The following RERE variants were observed in gnomAD, a reference collection of about 807,000 sequenced individuals.
RERE encodes arginine-glutamic acid dipeptide repeats protein.
A neutral mutation model predicts 146.1 loss-of-function variants in RERE; 40 were observed. That is an observed-to-expected ratio of 0.27 (90% CI 0.21 to 0.36). RERE has a LOEUF of 0.36. RERE is among the 10% of genes least tolerant of loss of function. The pLI is 1.00. For missense variants in RERE, 1,933 were observed against 2,138.7 expected, an observed-to-expected ratio of 0.90 and a Z score of 1.90; for synonymous variants, 1,003 against 866.0, an observed-to-expected ratio of 1.16 and a Z score of -2.78.
chr1:8,499,816 G>T (rs1043651617), intron 8 of RERE, among the ~76,000 whole-genome samples: 3 of 152,200 alleles, frequency 2.0e-5, no homozygotes, highest in Non-Finnish European at 4.4e-5. Context: ...TGAAAATAGT[G>T]GGATAAAATT....
intron 4 of RERE, among the ~76,000 whole-genome samples, chr1:8,612,858 T>C (rs1223958558): frequency 1.3e-5 from 2 of 152,200 alleles, no homozygotes; most frequent in Non-Finnish European, 2.9e-5. Context: ...TGTCAGTCTT[T>C]CTCTGGGAAT....
In RERE at chr1:8,372,507, C is replaced by CGTGTGTGTGTGTGTGTGTGTGTGTGT. The variant is rs6143111; in HGVS notation, c.1285-6559_1285-6534dup. Among the ~76,000 whole-genome samples the CGTGTGTGTGTGTGTGTGTGTGTGTGT allele has an allele frequency of 4.5e-3, 597 of 131,792 alleles. 21 individuals are homozygous for CGTGTGTGTGTGTGTGTGTGTGTGTGT. The highest frequency in any genetic ancestry group is 0.024 in the East Asian group (84 of 3,562). 86.5% of individuals were successfully genotyped at this position (131,792 alleles called of 152,430 possible). On this transcript the variant is annotated intron_variant, in intron 12 of 22. Coordinates refer to ENST00000400908, the MANE Select transcript of RERE (RefSeq NM_001042681.2). Reference sequence around the variant, plus strand: ...TGCAGCCTGCCACCTACCATCAGGTCGTGTGTGTGTGTGTGTGTGTGTGTG... The same window carrying CGTGTGTGTGTGTGTGTGTGTGTGTGT: ...TGCAGCCTGCCACCTACCATCAGGTCGTGTGTGTGTGTGTGTGTGTGTGTGTGTGTGTGTGTGTGTGTGTGTGTGTG...
chr1:8,501,040 G>T (rs1223270074), intron 8 of RERE, among the ~76,000 whole-genome samples: 1 of 139,092 alleles, frequency 7.2e-6, no homozygotes, highest in Non-Finnish European at 1.5e-5. Context: ...GAGGGGGGGG[G>T]GGGGTCAGCC....
At chr1:8,509,578 C>T (rs1192924316) in intron 7 of RERE, among the ~76,000 whole-genome samples, 1 of 152,114 alleles carries the variant, frequency 6.6e-6, no homozygotes, top group Admixed American at 6.6e-5. Flanking sequence ...GAGGCTAAGG[C>T]GGGAGGATCG....
Position 8,360,462 on chromosome 1 carries a change from CG to C in RERE, c.3044del (p.Pro1015ArgfsTer66). ...CTGTAGGGGGGTGGGAGGCAGGGGGCGGGGGCAGGTTCTGGCTCTGGGTCAG... is the reference window on the plus strand; with the variant it reads ...CTGTAGGGGGGTGGGAGGCAGGGGGCGGGGCAGGTTCTGGCTCTGGGTCAG... ...PGLTQSQNLP[P>X]PPASHPPTGL... On this transcript the variant is annotated frameshift_variant, in exon 18 of 23. Coordinates refer to ENST00000400908, the MANE Select transcript of RERE (RefSeq NM_001042681.2). LOFTEE classifies it high-confidence loss of function. 1.9e-5 allele frequency: 2 copies of C among 107,324 alleles called. No homozygotes were observed. Among genetic ancestry groups the C allele is most frequent in the Non-Finnish European group, 1.6e-5 (1 of 64,444 alleles). The allele number at this position is 107,324 out of a possible 1,614,324, so 6.6% of individuals were successfully genotyped here. A position where few individuals can be genotyped will look rare whatever the true frequency, so the allele number is the denominator to read the frequency against.
intron 7 of RERE, among the ~76,000 whole-genome samples, chr1:8,529,465 A>AT (rs35913350): frequency 0.015 from 2,144 of 145,530 alleles, 27 homozygotes; most frequent in Middle Eastern, 0.043. Flanking sequence ...AAATTTTTTA[A>AT]TTTTTTTTTT....
At chr1:8,791,018 T>C (rs981625313) in intron 1 of RERE, among the ~76,000 whole-genome samples, 8 of 152,222 alleles carry the variant, frequency 5.3e-5, no homozygotes, top group Non-Finnish European at 1.0e-4. Flanking sequence ...AAATTACTTA[T>C]ATAACGTCTG....
At chr1:8,494,676 T>C (rs1645023356) in intron 10 of RERE, among the ~76,000 whole-genome samples, 1 of 152,084 alleles carries the variant, frequency 6.6e-6, no homozygotes, top group Non-Finnish European at 1.5e-5. Context: ...TGAGCTGAGA[T>C]CGCGCCACTG....
chr1:8,477,048 G>A (rs1644765634), intron 10 of RERE, among the ~76,000 whole-genome samples: 1 of 152,058 alleles, frequency 6.6e-6, no homozygotes. Context: ...TACACTTTAG[G>A]GATTAAGGTT....
At chr1:8,546,450 C>T (rs948224234) in intron 6 of RERE, among the ~76,000 whole-genome samples, 20 of 151,956 alleles carry the variant, frequency 1.3e-4, no homozygotes, top group African/African-American at 4.8e-4. Context: ...GCATTTTAAT[C>T]GGAATGATTT....
intron 8 of RERE, among the ~76,000 whole-genome samples, chr1:8,500,569 C>A (rs1435134051): frequency 3.9e-5 from 6 of 152,282 alleles, no homozygotes; most frequent in African/African-American, 1.4e-4. Context: ...ACAACCTCCA[C>A]CTCCCAGCCG....
chr1:8,406,214 T>C (rs1456343749), intron 12 of RERE, among the ~76,000 whole-genome samples: 1 of 151,986 alleles, frequency 6.6e-6, no homozygotes, highest in Non-Finnish European at 1.5e-5. Context: ...TACAGGTGTG[T>C]GGCACTACAC....
chr1:8,653,151 T>C (rs1647714916), intron 2 of RERE, among the ~76,000 whole-genome samples: 2 of 152,224 alleles, frequency 1.3e-5, no homozygotes, highest in African/African-American at 4.8e-5. Context: ...AGTCACTAAT[T>C]CTGACTCTCT....
chr1:8,632,960 T>C (rs1255144984), intron 2 of RERE, among the ~76,000 whole-genome samples: 2 of 152,212 alleles, frequency 1.3e-5, no homozygotes, highest in Non-Finnish European at 2.9e-5. Flanking sequence ...AAACATACTC[T>C]TGGATGATTT....
chr1:8,737,146 G>A (rs1172497761), intron 1 of RERE, among the ~76,000 whole-genome samples: 1 of 152,128 alleles, frequency 6.6e-6, no homozygotes, highest in Non-Finnish European at 1.5e-5. Flanking sequence ...ATGCTTGCTG[G>A]ACTGTTTCCT....
At chr1:8,688,137 T>C (rs1389777792) in intron 1 of RERE, among the ~76,000 whole-genome samples, 1 of 152,156 alleles carries the variant, frequency 6.6e-6, no homozygotes, top group Non-Finnish European at 1.5e-5. Flanking sequence ...CACACAACTA[T>C]TCCATTTTTC....
At chr1:8,794,387 T>C (rs899686336) in intron 1 of RERE, among the ~76,000 whole-genome samples, 4 of 140,024 alleles carry the variant, frequency 2.9e-5, no homozygotes, top group African/African-American at 1.0e-4. Flanking sequence ...AAAAAGCCTC[T>C]GAAATCATTT....
chr1:8,817,081 G>C (rs1641927878), intron 1 of RERE, 79 bp downstream of exon 1: 1 of 152,202 alleles, frequency 6.6e-6, no homozygotes, highest in Non-Finnish European at 1.5e-5. Flanking sequence ...CTGCTTTCAC[G>C]GCCGACCCTC....
intron 1 of RERE, among the ~76,000 whole-genome samples, chr1:8,716,807 A>T (rs546315764): frequency 6.6e-5 from 10 of 152,222 alleles, no homozygotes; most frequent in Middle Eastern, 3.4e-3. Context: ...TCAGAATGGA[A>T]AAAAAGAAAA....
Sources: allele counts gnomAD v4.1 joint callset (sites outside exome capture counted in the v4.1 genomes callset), GRCh38; gene constraint gnomAD v4.1.1; transcripts MANE v1.5; gene names NCBI Gene and HGNC (gene_info 2026-07-23, HGNC 2026-07-21).